CLMP: variants seen among roughly 807,000 people sequenced by gnomAD.
The protein encoded by CLMP is CXADR-like membrane protein.
CLMP carries 27 observed loss-of-function variants against 45.2 expected under a neutral mutation model. The observed-to-expected ratio is 0.60, with a 90% CI of 0.44 to 0.82. The LOEUF (loss-of-function observed/expected upper bound fraction) is 0.82. Among genes scored for constraint, CLMP ranks in the 40% least tolerant of loss-of-function variants. The pLI is 0.00. For missense variants in CLMP, 403 were observed against 448.4 expected (o/e 0.90, Z 0.91); for synonymous variants, 167 against 171.4 (o/e 0.97, Z 0.20).
intron 1 of CLMP, among the ~76,000 whole-genome samples, chr11:123,126,868 G>A (rs568501151): frequency 2.5e-4 from 38 of 151,702 alleles, no homozygotes; most frequent in African/African-American, 9.2e-4. Flanking sequence ...CTGCACTCCA[G>A]CCTGGGCGAG....
At chr11:123,149,207 C>G (rs568548583) in intron 1 of CLMP, among the ~76,000 whole-genome samples, 1 of 152,282 alleles carries the variant, frequency 6.6e-6, no homozygotes, top group Non-Finnish European at 1.5e-5. Context: ...TTTACAGAAT[C>G]TAGGAAGAGG....
rs116932343 is a variant in CLMP, at chr11:123,185,512, T to G, written c.28+9401A>C. Reference sequence around the variant, plus strand: ...TCCGGGAACAGGGTGTGAGAGGCAGTGGAGCAGAGAAGGAGGCTGCGGAGA... The same window carrying G: ...TCCGGGAACAGGGTGTGAGAGGCAGGGGAGCAGAGAAGGAGGCTGCGGAGA... On this transcript the variant is annotated intron_variant, in intron 1 of 6. Coordinates refer to ENST00000448775, the MANE Select transcript of CLMP (RefSeq NM_024769.5). Among the ~76,000 whole-genome samples, 1,021 of 152,234 alleles carry G rather than the reference T, an allele frequency of 6.7e-3. 5 individuals carry two copies. The highest frequency in any genetic ancestry group is 0.01 in the Non-Finnish European group (700 of 68,024).
chr11:123,081,543 G>A (rs1416114153), intron 5 of CLMP, among the ~76,000 whole-genome samples: 2 of 152,260 alleles, frequency 1.3e-5, no homozygotes, highest in African/African-American at 2.4e-5. Flanking sequence ...CTAGGCAGTT[G>A]TAAGTAAATG....
At chr11:123,165,619 C>T (rs978780713) in intron 1 of CLMP, among the ~76,000 whole-genome samples, 9 of 152,128 alleles carry the variant, frequency 5.9e-5, no homozygotes, top group South Asian at 2.1e-4. Context: ...CTTAGCAGCT[C>T]GCCACTAAAA....
chr11:123,184,470 C>T (rs1250588546), intron 1 of CLMP, among the ~76,000 whole-genome samples: 1 of 152,200 alleles, frequency 6.6e-6, no homozygotes, highest in Non-Finnish European at 1.5e-5. Flanking sequence ...CTCATGCTGC[C>T]TCAGTGATAC....
At chr11:123,119,289 G>T (rs914867624) in intron 1 of CLMP, among the ~76,000 whole-genome samples, 7 of 151,706 alleles carry the variant, frequency 4.6e-5, no homozygotes, top group Admixed American at 1.3e-4. Flanking sequence ...CTCCATGTTG[G>T]TCAGACTGGT....
At chr11:123,136,222 T>C (rs1048177980) in intron 1 of CLMP, 8 of 647,764 alleles carry the variant, frequency 1.2e-5, no homozygotes, top group African/African-American at 9.1e-5. Context: ...CACCACCCAT[T>C]ACAATCTGGG....
At chr11:123,153,015 T>G (rs1367656863) in intron 1 of CLMP, among the ~76,000 whole-genome samples, 2 of 152,184 alleles carry the variant, frequency 1.3e-5, no homozygotes, top group East Asian at 3.8e-4. Flanking sequence ...TTGAGGACGT[T>G]TATTCTTTTT....
chr11:123,193,391 C>A (rs1316654117), intron 1 of CLMP, among the ~76,000 whole-genome samples: 3 of 152,330 alleles, frequency 2.0e-5, no homozygotes, highest in East Asian at 3.9e-4. Context: ...AATAAGAGAG[C>A]CCTGAAGTTT....
At chr11:123,096,218 G>C (rs2135479302) in intron 2 of CLMP, among the ~76,000 whole-genome samples, 2 of 152,296 alleles carry the variant, frequency 1.3e-5, no homozygotes, top group East Asian at 3.9e-4. Flanking sequence ...GCTGGGCGTG[G>C]TGGTGGATGC....
At chr11:123,168,177 T>C (rs1275968509) in intron 1 of CLMP, among the ~76,000 whole-genome samples, 2 of 151,944 alleles carry the variant, frequency 1.3e-5, no homozygotes, top group Non-Finnish European at 2.9e-5. Flanking sequence ...ATTCACTGCC[T>C]GTCCCCCCAC....
At chr11:123,074,890 G>A in intron 5 of CLMP, 47 bp from the exon 6 acceptor site, 1 of 1,590,544 alleles carries the variant, frequency 6.3e-7, no homozygotes, top group Non-Finnish European at 8.6e-7. Flanking sequence ...ACGTAAGCTA[G>A]GAAATATGTT....
At chr11:123,092,545 C>G (rs534246397) in intron 2 of CLMP, among the ~76,000 whole-genome samples, 8 of 152,324 alleles carry the variant, frequency 5.3e-5, no homozygotes, top group African/African-American at 1.9e-4. Flanking sequence ...ATCCACCCGC[C>G]TTGGCCTCCC....
chr11:123,091,499 C>T (rs1194297923), intron 2 of CLMP, among the ~76,000 whole-genome samples: 1 of 152,184 alleles, frequency 6.6e-6, no homozygotes, highest in Non-Finnish European at 1.5e-5. Context: ...CCTCTGTTAC[C>T]TTGACTGTCT....
intron 1 of CLMP, among the ~76,000 whole-genome samples, chr11:123,116,476 G>A (rs534795209): frequency 6.6e-5 from 10 of 152,166 alleles, no homozygotes; most frequent in African/African-American, 2.4e-4. Flanking sequence ...ACTGAGGCAG[G>A]AGAATCGCTT....
rs1565397421 is a variant in CLMP, at chr11:123,150,478, A to AGAAAGAAAGAAAGAAG, written c.28+44434_28+44435insCTTCTTTCTTTCTTTC. 1.4e-3 allele frequency among the ~76,000 whole-genome samples: 150 copies of AGAAAGAAAGAAAGAAG among 103,748 alleles called. 2 individuals are homozygous for AGAAAGAAAGAAAGAAG. The highest frequency in any genetic ancestry group is 5.2e-3 in the African/African-American group (142 of 27,190). The allele number at this position is 103,748 out of a possible 152,430, so 68.1% of individuals were successfully genotyped here. A position where few individuals can be genotyped will look rare whatever the true frequency, so the allele number is the denominator to read the frequency against. Reference sequence around the variant, plus strand: ...AAGAAAGAAAGAAAGAAAGAAAGAAAGAAAGGAAGGAAGGAAGGAAGGAAG... The same window carrying AGAAAGAAAGAAAGAAG: ...AAGAAAGAAAGAAAGAAAGAAAGAAAGAAAGAAAGAAAGAAGGAAAGGAAGGAAGGAAGGAAGGAAG... On this transcript the variant is annotated intron_variant, in intron 1 of 6. Coordinates refer to ENST00000448775, the MANE Select transcript of CLMP (RefSeq NM_024769.5).
chr11:123,162,883 T>G (rs1861505899), intron 1 of CLMP, among the ~76,000 whole-genome samples: 1 of 149,148 alleles, frequency 6.7e-6, no homozygotes. Flanking sequence ...CCAGCCTGGG[T>G]GATAGAGTGA....
intron 1 of CLMP, among the ~76,000 whole-genome samples, chr11:123,180,217 G>A (rs952914536): frequency 6.6e-5 from 10 of 152,174 alleles, no homozygotes; most frequent in African/African-American, 2.2e-4. Context: ...TGATATAGAC[G>A]AAGTCTTGGC....
At chr11:123,123,526 G>A (rs929897310) in intron 1 of CLMP, among the ~76,000 whole-genome samples, 1 of 152,008 alleles carries the variant, frequency 6.6e-6, no homozygotes, top group African/African-American at 2.4e-5. Context: ...CCAAAGTGCT[G>A]GGATTACAGG....
Sources: gnomAD v4.1 joint callset for allele counts (sites outside exome capture counted in the v4.1 genomes callset) on GRCh38, gnomAD v4.1.1 for gene constraint, MANE v1.5 for transcripts, NCBI Gene and HGNC (gene_info 2026-07-23, HGNC 2026-07-21) for gene names.